The following CSGALNACT1 variants were observed in gnomAD, a reference collection of about 807,000 sequenced individuals.
The protein encoded by CSGALNACT1 is beta4GalNAcT-1.
A neutral mutation model predicts 51.0 loss-of-function variants in CSGALNACT1; 52 were observed. The observed-to-expected ratio is 1.02, with a 90% CI of 0.82 to 1.29. The LOEUF (loss-of-function observed/expected upper bound fraction) is 1.29. CSGALNACT1 is among the 50% of genes most tolerant of loss of function. The pLI, the probability that CSGALNACT1 is intolerant of heterozygous loss-of-function variation, is 0.00. For missense variants in CSGALNACT1, 935 were observed against 679.2 expected (o/e 1.38, Z -4.19); for synonymous variants, 341 against 254.4 (o/e 1.34, Z -3.24).
rs139087746 is a variant in CSGALNACT1, at chr8:19,440,021, G to T, written c.852-90C>A. 2,146 of 1,080,820 alleles carry T rather than the reference G, an allele frequency of 2.0e-3. 10 individuals carry two copies. The Middle Eastern group carries it at 0.029, about 15-fold the overall frequency. 67.0% of individuals were successfully genotyped at this position (1,080,820 alleles called of 1,614,324 possible). A position where few individuals can be genotyped will look rare whatever the true frequency, so the allele number is the denominator to read the frequency against. The stretch of plus-strand genomic sequence containing the variant: ...ATACCTTTTTGTAAAGTGCAAAAGG[G>T]TCTTGAAGGAAACTAGGTAAACTTC... On this transcript the variant is annotated intron_variant, in intron 5 of 9. Transcript: ENST00000454498.
In CSGALNACT1 at chr8:19,594,850, A is replaced by G. The variant is rs188428788; in HGVS notation, c.-415-3572T>C. On this transcript the variant is annotated intron_variant, in intron 2 of 9. Coordinates refer to ENST00000454498, the Ensembl canonical transcript of CSGALNACT1. ...TATAGGCATGAGCCACCACACCCGG[A>G]CTTTAATTTTAATTCAATCCATTTT... Among the ~76,000 whole-genome samples, 788 of 151,922 alleles carry G rather than the reference A, an allele frequency of 5.2e-3. 6 individuals are homozygous for G. The highest frequency in any genetic ancestry group is 8.0e-3 in the Non-Finnish European group (545 of 67,932).
At chr8:19,729,687 T>C (rs1045285510) in intron 1 of CSGALNACT1, among the ~76,000 whole-genome samples, 20 of 152,224 alleles carry the variant, frequency 1.3e-4, no homozygotes, top group African/African-American at 4.6e-4. Flanking sequence ...CCAGAAATAA[T>C]CTGCCACAGA....
At chr8:19,443,635 T>A (rs918461552) in intron 5 of CSGALNACT1, among the ~76,000 whole-genome samples, 1 of 152,142 alleles carries the variant, frequency 6.6e-6, no homozygotes, top group African/African-American at 2.4e-5. Context: ...ACAAGAACAG[T>A]ATGAGAGAAA....
At chr8:19,467,906 A>T (rs2067091809) in intron 4 of CSGALNACT1, among the ~76,000 whole-genome samples, 1 of 152,166 alleles carries the variant, frequency 6.6e-6, no homozygotes, top group African/African-American at 2.4e-5. Context: ...GGATCACTTA[A>T]ACCCAGGAGT....
At chr8:19,632,756 T>A (rs2055455707) in intron 1 of CSGALNACT1, among the ~76,000 whole-genome samples, 1 of 152,060 alleles carries the variant, frequency 6.6e-6, no homozygotes, top group African/African-American at 2.4e-5. Flanking sequence ...TACATTCTGC[T>A]GAGTCTTTTA....
chr8:19,496,291 T>TC (rs1587232332), intron 4 of CSGALNACT1, among the ~76,000 whole-genome samples: 1 of 152,194 alleles, frequency 6.6e-6, no homozygotes, highest in East Asian at 1.9e-4. Context: ...GATCACGGGA[T>TC]CCGAGGCTTT....
chr8:19,446,404 C>G (rs1465857934), intron 5 of CSGALNACT1, among the ~76,000 whole-genome samples: 26 of 152,074 alleles, frequency 1.7e-4, no homozygotes, highest in Admixed American at 1.7e-3. Flanking sequence ...TCCTAAGATC[C>G]CTCCAGGGAG....
chr8:19,553,229 A>G (rs907880898), intron 3 of CSGALNACT1, among the ~76,000 whole-genome samples: 2 of 152,166 alleles, frequency 1.3e-5, no homozygotes, highest in African/African-American at 4.8e-5. Context: ...CCTAAACAAG[A>G]CAGAAAAAGC....
intron 1 of CSGALNACT1, among the ~76,000 whole-genome samples, chr8:19,629,057 A>G (rs1276318628): frequency 6.6e-6 from 1 of 152,192 alleles, no homozygotes; most frequent in Non-Finnish European, 1.5e-5. Context: ...AATATTAAAC[A>G]GCTCTTATTC....
At chr8:19,509,024 C>T (rs925907682) in intron 3 of CSGALNACT1, among the ~76,000 whole-genome samples, 1 of 152,112 alleles carries the variant, frequency 6.6e-6, no homozygotes, top group Admixed American at 6.5e-5. Context: ...GAAGGATGGG[C>T]ATTTTTAATA....
intron 1 of CSGALNACT1, 120 bp from the exon 2 acceptor site, chr8:19,601,985 G>A (rs2050535668): frequency 2.5e-6 from 1 of 395,606 alleles, no homozygotes; most frequent in African/African-American, 2.1e-5. Context: ...GCATCTGAAA[G>A]TATTACCCCA....
chr8:19,664,032 G>C (rs779695497), intron 1 of CSGALNACT1, among the ~76,000 whole-genome samples: 3 of 148,264 alleles, frequency 2.0e-5, no homozygotes. Flanking sequence ...GTGAAAGCGC[G>C]GGCCAGGGGT....
chr8:19,611,214 A>T (rs1344460540), intron 1 of CSGALNACT1, among the ~76,000 whole-genome samples: 1 of 152,248 alleles, frequency 6.6e-6, no homozygotes, highest in African/African-American at 2.4e-5. Context: ...GGAATTCAGC[A>T]GGTTTCACAA....
intron 4 of CSGALNACT1, among the ~76,000 whole-genome samples, chr8:19,478,404 AC>A (rs2070385889): frequency 8.4e-6 from 1 of 118,476 alleles, no homozygotes; most frequent in Non-Finnish European, 1.7e-5. Context: ...ACAGAGCGAG[AC>A]TCCGTCTCAA....
At chr8:19,420,986 A>C (rs2057830330) in intron 6 of CSGALNACT1, among the ~76,000 whole-genome samples, 1 of 152,216 alleles carries the variant, frequency 6.6e-6, no homozygotes, top group African/African-American at 2.4e-5. Context: ...CTTGATGTGA[A>C]TCTTTCCTCC....
chr8:19,729,209 C>G (rs1399678767), intron 1 of CSGALNACT1, among the ~76,000 whole-genome samples: 1 of 151,968 alleles, frequency 6.6e-6, no homozygotes, highest in Non-Finnish European at 1.5e-5. Flanking sequence ...AGTCTCTGAG[C>G]ACATTAAACC....
intron 1 of CSGALNACT1, among the ~76,000 whole-genome samples, chr8:19,645,852 G>A (rs541876886): frequency 6.6e-6 from 1 of 152,132 alleles, no homozygotes; most frequent in East Asian, 1.9e-4. Flanking sequence ...TGCTGGCCTG[G>A]GCTCTCTCTG....
At chr8:19,682,656 A>G (rs1359609324), upstream of CSGALNACT1, 1 of 453,958 alleles carries the variant, frequency 2.2e-6, no homozygotes, top group Admixed American at 2.4e-5. Context: ...AACAGCCAAA[A>G]CCACAAGGAA....
At chr8:19,525,441 T>C (rs2081470322) in intron 3 of CSGALNACT1, among the ~76,000 whole-genome samples, 1 of 149,372 alleles carries the variant, frequency 6.7e-6, no homozygotes, top group African/African-American at 2.5e-5. Context: ...CCACCTCTAC[T>C]AAAAAATACA....
Sources: allele counts gnomAD v4.1 joint callset (sites outside exome capture counted in the v4.1 genomes callset), GRCh38; gene constraint gnomAD v4.1.1; transcripts MANE v1.5; gene names NCBI Gene and HGNC (gene_info 2026-07-23, HGNC 2026-07-21).